Variants in ANKRD6 observed in about 807,000 individuals in gnomAD.
ANKRD6 encodes ankyrin repeat domain 6.
A neutral mutation model predicts 82.3 loss-of-function variants in ANKRD6; 56 were observed. The observed-to-expected ratio is 0.68, with a 90% CI of 0.55 to 0.85. The LOEUF is 0.85. ANKRD6 is among the 40% of genes least tolerant of loss of function. The probability of loss-of-function intolerance (pLI) is 0.00; values close to 1 mark genes in which losing one functional copy is unlikely to be tolerated. For missense variants in ANKRD6, 852 were observed against 907.6 expected (o/e 0.94, Z 0.79); for synonymous variants, 347 against 352.1 (o/e 0.99, Z 0.16).
intron 2 of ANKRD6, among the ~76,000 whole-genome samples, chr6:89,577,433 C>T (rs1355272249): frequency 6.6e-6 from 1 of 152,144 alleles, no homozygotes; most frequent in African/African-American, 2.4e-5. Context: ...TCTCCAGTTC[C>T]CTTGTGCTTT....
At chr6:89,619,466 C>T (rs1802442764) in intron 9 of ANKRD6, 1 of 152,116 alleles carries the variant, frequency 6.6e-6, no homozygotes, top group Non-Finnish European at 1.5e-5. Flanking sequence ...ATCTTTAATC[C>T]ACCTGTCATT....
chr6:89,445,870 G>A (rs1252943462), intron 1 of ANKRD6, among the ~76,000 whole-genome samples: 8 of 152,004 alleles, frequency 5.3e-5, no homozygotes, highest in South Asian at 4.2e-4. Flanking sequence ...GAGCCACTGC[G>A]CCCGGCTGAT....
intron 2 of ANKRD6, among the ~76,000 whole-genome samples, chr6:89,571,668 T>A (rs2128089586): frequency 6.6e-6 from 1 of 152,296 alleles, no homozygotes; most frequent in South Asian, 2.1e-4. Context: ...TCCAGAGATT[T>A]CCCGTATTGC....
At chr6:89,459,955 T>C (rs916969780) in intron 1 of ANKRD6, among the ~76,000 whole-genome samples, 4 of 152,140 alleles carry the variant, frequency 2.6e-5, no homozygotes, top group African/African-American at 9.7e-5. Context: ...TGCTACTGTA[T>C]AAAATTGATT....
At chr6:89,511,742 C>G (rs1780574139) in intron 1 of ANKRD6, among the ~76,000 whole-genome samples, 1 of 152,164 alleles carries the variant, frequency 6.6e-6, no homozygotes, top group African/African-American at 2.4e-5. Context: ...GTTGATGTCA[C>G]TATTCCCTAG....
intron 1 of ANKRD6, among the ~76,000 whole-genome samples, chr6:89,528,334 A>G (rs1004322226): frequency 8.5e-5 from 13 of 152,334 alleles, no homozygotes; most frequent in African/African-American, 2.9e-4. Context: ...TGTTCACAGC[A>G]TCTTCACCAG....
chr6:89,482,298 A>C (rs1776899994), intron 1 of ANKRD6, among the ~76,000 whole-genome samples: 1 of 152,232 alleles, frequency 6.6e-6, no homozygotes, highest in Admixed American at 6.5e-5. Flanking sequence ...CTATTTTCAA[A>C]CCAAAATAAA....
At chr6:89,441,961 A>G (rs986714681) in intron 1 of ANKRD6, among the ~76,000 whole-genome samples, 1 of 151,194 alleles carries the variant, frequency 6.6e-6, no homozygotes, top group African/African-American at 2.4e-5. Context: ...TCCTCGGAAC[A>G]TGTGTCTAGG....
At chr6:89,465,139 A>T (rs1351280978) in intron 1 of ANKRD6, among the ~76,000 whole-genome samples, 61 of 121,606 alleles carry the variant, frequency 5.0e-4, no homozygotes, top group African/African-American at 1.7e-3. Flanking sequence ...TTTTTTTTTG[A>T]GATGGAGTCG....
chr6:89,561,056 G>A (rs1787335850), intron 1 of ANKRD6: 1 of 152,104 alleles, frequency 6.6e-6, no homozygotes, highest in Non-Finnish European at 1.5e-5. Flanking sequence ...AAAAAGGGAC[G>A]GTCTCTACCT....
chr6:89,536,973 C>T (rs1262982012), intron 1 of ANKRD6, among the ~76,000 whole-genome samples: 2 of 152,034 alleles, frequency 1.3e-5, no homozygotes, highest in African/African-American at 4.8e-5. Flanking sequence ...GCCACCATGC[C>T]CAGTCATAGC....
At position 89,603,088 on chromosome 6, in the gene ANKRD6, G is replaced by A. The variant is rs758401337; in HGVS notation, c.279G>A (p.Ala93=). The change falls in exon 4 of 16, where the codon GCG becomes GCA. Residue 93 remains alanine (A), a synonymous_variant. Coordinates refer to ENST00000339746, the MANE Select transcript of ANKRD6 (RefSeq NM_001242809.2). The part of the protein sequence containing the change: ...TVVGNTEIIA[A]LIHEGCALDR... ...TGGGGAACACGGAGATCATCGCGGCGCTCATCCACGAAGGGTGTGCCCTGG... is the reference window on the plus strand; with the variant it reads ...TGGGGAACACGGAGATCATCGCGGCACTCATCCACGAAGGGTGTGCCCTGG... 24 of 1,607,682 alleles carry A rather than the reference G, an allele frequency of 1.5e-5. No homozygotes were observed. The highest frequency in any genetic ancestry group is 1.9e-5 in the Non-Finnish European group (22 of 1,177,464).
chr6:89,584,767 C>T (rs1793341440), intron 2 of ANKRD6, among the ~76,000 whole-genome samples: 1 of 152,192 alleles, frequency 6.6e-6, no homozygotes, highest in Admixed American at 6.5e-5. Flanking sequence ...CAAAATACCA[C>T]GTATTCGGTG....
At chr6:89,626,191 T>C (rs1805622599) in intron 13 of ANKRD6, among the ~76,000 whole-genome samples, 2 of 152,220 alleles carry the variant, frequency 1.3e-5, no homozygotes, top group South Asian at 4.1e-4. Context: ...AGGTCAATAA[T>C]AGATTAGTGA....
At chr6:89,500,740 T>C (rs1339074609) in intron 1 of ANKRD6, among the ~76,000 whole-genome samples, 1 of 152,214 alleles carries the variant, frequency 6.6e-6, no homozygotes, top group Non-Finnish European at 1.5e-5. Flanking sequence ...AGTTAATTGC[T>C]ATTCTCATTA....
At chr6:89,469,866 G>A (rs191661268) in intron 1 of ANKRD6, among the ~76,000 whole-genome samples, 7 of 152,136 alleles carry the variant, frequency 4.6e-5, no homozygotes, top group East Asian at 1.9e-4. Flanking sequence ...TCTTTTCCTC[G>A]TCAATATTCT....
At chr6:89,609,800 C>T (rs143376820) in intron 5 of ANKRD6, among the ~76,000 whole-genome samples, 21 of 152,072 alleles carry the variant, frequency 1.4e-4, no homozygotes, top group Non-Finnish European at 2.2e-4. Flanking sequence ...TTAGTAGAGA[C>T]GAGGTTTCAC....
chr6:89,603,895 C>T (rs1338388166), intron 4 of ANKRD6, among the ~76,000 whole-genome samples: 1 of 152,152 alleles, frequency 6.6e-6, no homozygotes, highest in Non-Finnish European at 1.5e-5. Context: ...CCCAGCTACT[C>T]AGGAAGCTGA....
In ANKRD6 at chr6:89,622,024, A is replaced by G. The variant is rs1803539377; in HGVS notation, c.895A>G (p.Lys299Glu). The G allele has an allele frequency of 6.2e-7, 1 of 1,611,988 alleles. No individual in the cohort carries two copies. The highest frequency in any genetic ancestry group is 1.3e-5 in the African/African-American group (1 of 74,990). ...GCCAAGAGATGAGGTGGCCCAAAGC[A>G]AGGTGGGGGGCAGTCCTCCCGCCGT... is the stretch of plus-strand genomic sequence containing the variant. ...SVPRDEVAQS[K>E]GSVSAGDTPS... Residue 299 changes from lysine to glutamate, a missense_variant and splice_region_variant, in exon 10 of 16, where the codon AAG becomes GAG. Transcript: ENST00000339746.
Sources: allele counts gnomAD v4.1 joint callset (sites outside exome capture counted in the v4.1 genomes callset), GRCh38; gene constraint gnomAD v4.1.1; transcripts MANE v1.5; gene names NCBI Gene and HGNC (gene_info 2026-07-23, HGNC 2026-07-21).